TFIP11: variants seen among roughly 807,000 people sequenced by gnomAD.
TFIP11 encodes the protein tuftelin-interacting protein 11.
TFIP11 carries 86 observed loss-of-function variants against 96.8 expected under a neutral mutation model. That is an observed-to-expected ratio of 0.89 (90% CI 0.75 to 1.06). The LOEUF is 1.06. Among genes scored for constraint, TFIP11 ranks in the 50% least tolerant of loss-of-function variants. TFIP11 has a pLI of 0.00. For synonymous variants in TFIP11, 405 were observed against 395.2 expected (o/e 1.02, Z -0.29); for missense variants, 881 against 1,076.7 (o/e 0.82, Z 2.54).
chr22:26,507,845 A>C (rs1923602247), intron 4 of TFIP11, among the ~76,000 whole-genome samples: 1 of 152,212 alleles, frequency 6.6e-6, no homozygotes, highest in African/African-American at 2.4e-5. Context: ...CCCTGGAGCC[A>C]GGTACAGCGG....
chr22:26,507,714 T>C (rs1923589287), intron 4 of TFIP11, among the ~76,000 whole-genome samples: 1 of 152,010 alleles, frequency 6.6e-6, no homozygotes, highest in Non-Finnish European at 1.5e-5. Flanking sequence ...AATATATTGA[T>C]TTAAACTCTG....
rs777527490 is a variant in TFIP11 at position 26,492,028 on chromosome 22, G to A, written c.2499C>T (p.Ile833=). ...CTGCCACAGTTCACTTGGCCATGTC[G>A]ATCAGGCTCTGCAGTGAGGTGGGCA... ...TWVPTSLQSL[I]DMAK is the part of the protein sequence containing the mutation. The change falls in exon 15 of 15, where the codon ATC becomes ATT. Residue 833 remains isoleucine (I), a synonymous_variant. Coordinates refer to ENST00000407690, the MANE Select transcript of TFIP11 (RefSeq NM_012143.4). 1.9e-5 allele frequency: 31 copies of A among 1,599,350 alleles called. No individual in the cohort carries two copies. Among genetic ancestry groups the A allele is most frequent in the East Asian group, 1.1e-4 (5 of 43,884 alleles).
chr22:26,491,447 G>A lies in TFIP11; in HGVS notation c.*566C>T. Reference sequence around the variant, plus strand: ...GTGACTATCTGAAGTTTTTATACTTGAATTTTTCTGCTCAGATTTTAAAAG... The same window carrying A: ...GTGACTATCTGAAGTTTTTATACTTAAATTTTTCTGCTCAGATTTTAAAAG... On this transcript the variant is annotated 3_prime_UTR_variant, in exon 15 of 15. Coordinates refer to ENST00000407690, the MANE Select transcript of TFIP11 (RefSeq NM_012143.4). 16 of 1,599,440 alleles carry A rather than the reference G, an allele frequency of 1.0e-5. No individual in the cohort carries two copies. Among genetic ancestry groups the A allele is most frequent in the Non-Finnish European group, 1.3e-5 (15 of 1,171,398 alleles).
chr22:26,510,522 C>T (rs1428073553), intron 3 of TFIP11, 95 bp downstream of exon 3: 10 of 499,270 alleles, frequency 2.0e-5, no homozygotes, highest in Middle Eastern at 5.5e-4. Flanking sequence ...AAGTACATAT[C>T]TCCTTGTCCT....
chr22:26,493,847 A>G, intron 14 of TFIP11: 4 of 374,230 alleles, frequency 1.1e-5, no homozygotes, highest in South Asian at 1.1e-4. Context: ...AAGGCCACAC[A>G]GCACAGTGGT....
At chr22:26,500,174 T>A (rs534395858) in intron 8 of TFIP11, among the ~76,000 whole-genome samples, 22 of 152,288 alleles carry the variant, frequency 1.4e-4, no homozygotes, top group East Asian at 5.8e-4. Context: ...AAATTTAATT[T>A]ATTTATTTAT....
rs77618549 is a variant in TFIP11 at position 26,496,591 on chromosome 22, T to C, written c.1605+130A>G. On this transcript the variant is annotated intron_variant, in intron 11 of 14. Transcript: ENST00000407690. ...GAGAAAAAGGCTGGAATTAACACTA[T>C]AGGTCAATAGTTGTGTTGACAAATT... is the stretch of plus-strand genomic sequence containing the variant. 1,946 of 1,232,604 alleles carry C rather than the reference T, an allele frequency of 1.6e-3. 25 individuals carry two copies. The African/African-American group carries it at 0.027, about 17-fold the overall frequency. The allele number at this position is 1,232,604 out of a possible 1,614,324, so 76.4% of individuals were successfully genotyped here. A position where few individuals can be genotyped will look rare whatever the true frequency, so the allele number is the denominator to read the frequency against.
intron 10 of TFIP11, among the ~76,000 whole-genome samples, chr22:26,498,273 T>C (rs1922312651): frequency 6.6e-6 from 1 of 152,166 alleles, no homozygotes; most frequent in African/African-American, 2.4e-5. Context: ...CCAGGCACGG[T>C]GGCTCACGCC....
chr22:26,492,672 A>G (rs1921360594), intron 14 of TFIP11: 1 of 336,650 alleles, frequency 3.0e-6, no homozygotes, highest in Non-Finnish European at 5.6e-6. Flanking sequence ...GTCCTCAGCC[A>G]CTCTTCTGTT....
chr22:26,509,243 C>T (rs1923773708), intron 4 of TFIP11, among the ~76,000 whole-genome samples: 2 of 152,174 alleles, frequency 1.3e-5, no homozygotes, highest in African/African-American at 4.8e-5. Flanking sequence ...TTGTGGATAC[C>T]GTGATGCTTC....
intron 4 of TFIP11, among the ~76,000 whole-genome samples, chr22:26,509,111 T>C (rs1353839746): frequency 2.0e-5 from 3 of 152,214 alleles, no homozygotes; most frequent in Non-Finnish European, 4.4e-5. Context: ...TCCATGCCTA[T>C]TGAGCACACC....
rs1437137361 is a variant in TFIP11, at chr22:26,499,613, G to A, written c.820C>T (p.Arg274Trp). The A allele has an allele frequency of 5.0e-6, 8 of 1,611,920 alleles. No individual in the cohort carries two copies. The highest frequency in any genetic ancestry group is 2.2e-5 in the East Asian group (1 of 44,856). Residue 274 changes from arginine (R) to tryptophan (W), a missense_variant, in exon 9 of 15, where the codon CGG becomes TGG. Transcript: ENST00000407690. ...TAGCTGTAGTAGACCTTCTGCTCCC[G>A]GCCTGTCATGTCTATGACCTTGGAA... The part of the protein sequence containing the change: ...SQVKVIDMTG[R>W]EQKVYYSYSQ...
At chr22:26,509,784 A>T (rs1161964299) in intron 4 of TFIP11, among the ~76,000 whole-genome samples, 2 of 152,194 alleles carry the variant, frequency 1.3e-5, no homozygotes, top group Non-Finnish European at 2.9e-5. Flanking sequence ...TAAACCTGGA[A>T]GGTGGAGGTT....
At chr22:26,507,634 AAAAAAAAAAAAAG>A (rs951993143) in intron 4 of TFIP11, among the ~76,000 whole-genome samples, 8 of 150,484 alleles carry the variant, frequency 5.3e-5, no homozygotes, top group Non-Finnish European at 7.4e-5. Flanking sequence ...TATCTCCAAA[AAAAAAAAAAAAAG>A]AAAAGAAAAT....
intron 4 of TFIP11, among the ~76,000 whole-genome samples, 171 bp downstream of exon 4, chr22:26,509,893 A>T (rs1351027543): frequency 1.3e-5 from 2 of 152,164 alleles, no homozygotes; most frequent in Non-Finnish European, 2.9e-5. Flanking sequence ...TCAGTGAAAG[A>T]GCAGCACTCT....
chr22:26,505,574 A>G (rs1923295037), intron 6 of TFIP11, among the ~76,000 whole-genome samples: 1 of 152,194 alleles, frequency 6.6e-6, no homozygotes, highest in Non-Finnish European at 1.5e-5. Context: ...GGCCATGTCC[A>G]TCGTCCCAGG....
intron 14 of TFIP11, chr22:26,493,698 A>G (rs182017277): frequency 4.9e-4 from 88 of 177,860 alleles, no homozygotes; most frequent in Admixed American, 1.2e-3. Context: ...CTTTTAGCCT[A>G]TAAAGTAGAT....
intron 8 of TFIP11, among the ~76,000 whole-genome samples, chr22:26,501,439 C>A (rs1922773519): frequency 6.6e-6 from 1 of 151,956 alleles, no homozygotes; most frequent in Non-Finnish European, 1.5e-5. Context: ...TACAAACTAA[C>A]CAGCCAAAAA....
intron 10 of TFIP11, among the ~76,000 whole-genome samples, chr22:26,497,187 GCTT>G (rs994115241): frequency 4.6e-5 from 7 of 152,110 alleles, no homozygotes; most frequent in Middle Eastern, 3.2e-3. Context: ...CCACCTATAG[GCTT>G]CTATTCATGA....
Sources: allele counts gnomAD v4.1 joint callset (sites outside exome capture counted in the v4.1 genomes callset), GRCh38; gene constraint gnomAD v4.1.1; transcripts MANE v1.5; gene names NCBI Gene and HGNC (gene_info 2026-07-23, HGNC 2026-07-21).